Variants in PIK3C2G observed in about 807,000 individuals in gnomAD.
PIK3C2G encodes phosphatidylinositol-4-phosphate 3-kinase catalytic subunit type 2 gamma.
PIK3C2G carries 168 observed loss-of-function variants against 181.1 expected under a neutral mutation model. That is an observed-to-expected ratio of 0.93 (90% CI 0.82 to 1.05). PIK3C2G has a LOEUF of 1.05. Among genes scored for constraint, PIK3C2G ranks in the 50% least tolerant of loss-of-function variants. The pLI, the probability that PIK3C2G is intolerant of heterozygous loss-of-function variation, is 0.00. For missense variants in PIK3C2G, 1,869 were observed against 1,732.8 expected (o/e 1.08, Z -1.40); for synonymous variants, 573 against 592.2 (o/e 0.97, Z 0.47).
intron 12 of PIK3C2G, among the ~76,000 whole-genome samples, chr12:18,366,741 A>G (rs367818633): frequency 1.5e-4 from 23 of 148,650 alleles, no homozygotes; most frequent in African/African-American, 5.6e-4. Flanking sequence ...CCTTGGTTTA[A>G]AAAAAAAAAG....
chr12:18,341,080 G>A (rs758419151), intron 9 of PIK3C2G, among the ~76,000 whole-genome samples: 1 of 152,114 alleles, frequency 6.6e-6, no homozygotes, highest in Non-Finnish European at 1.5e-5. Flanking sequence ...AGTTCTTAAC[G>A]AATTGGCAAA....
chr12:18,311,133 T>A (rs1311228691), intron 5 of PIK3C2G, among the ~76,000 whole-genome samples: 2 of 151,820 alleles, frequency 1.3e-5, no homozygotes, highest in Non-Finnish European at 2.9e-5. Flanking sequence ...GGAAAAAGAC[T>A]GTTTCAACAT....
chr12:18,304,548 C>T (rs2137323838), intron 5 of PIK3C2G, among the ~76,000 whole-genome samples: 1 of 152,292 alleles, frequency 6.6e-6, no homozygotes, highest in East Asian at 1.9e-4. Context: ...TGAGCTACCT[C>T]GCCCGGCCCA....
In PIK3C2G at chr12:18,414,890, C is replaced by CT. The variant is rs1043034043; in HGVS notation, c.2316-6049dup. On this transcript the variant is annotated intron_variant, in intron 16 of 32. Transcript: ENST00000538779. ...GACATGCTTTAATGTCAAGTTAGGC[C>CT]TTAGTCACATCTCAGAATGTCATGT... 6.6e-4 allele frequency among the ~76,000 whole-genome samples: 101 copies of CT among 152,242 alleles called. 1 individual carries two copies. Among genetic ancestry groups the CT allele is most frequent in the African/African-American group, 2.3e-3 (97 of 41,550 alleles).
the PIK3C2G span, among the ~76,000 whole-genome samples, chr12:18,725,641 G>A: frequency 6.6e-6 from 1 of 152,130 alleles, no homozygotes; most frequent in South Asian, 2.1e-4. Context: ...TAGCATCCAA[G>A]GCCATCTAAA....
chr12:18,674,038 TGA>T, the PIK3C2G span, among the ~76,000 whole-genome samples: 1 of 152,182 alleles, frequency 6.6e-6, no homozygotes, highest in Non-Finnish European at 1.5e-5. Flanking sequence ...CACAAAGCTG[TGA>T]GTATCAGGAA....
intron 15 of PIK3C2G, among the ~76,000 whole-genome samples, chr12:18,395,141 T>G (rs1301360049): frequency 6.7e-6 from 1 of 150,042 alleles, no homozygotes; most frequent in Non-Finnish European, 1.5e-5. Context: ...TCTTTCTCTC[T>G]CTCTCTCACA....
At chr12:18,296,587 A>AT (rs1949953284) in intron 5 of PIK3C2G, among the ~76,000 whole-genome samples, 1 of 152,138 alleles carries the variant, frequency 6.6e-6, no homozygotes, top group South Asian at 2.1e-4. Flanking sequence ...TAAAAAGATG[A>AT]TTTTCCTAGC....
intron 16 of PIK3C2G, among the ~76,000 whole-genome samples, chr12:18,411,458 T>C: frequency 6.6e-6 from 1 of 150,878 alleles, no homozygotes; most frequent in South Asian, 2.1e-4. Context: ...GAACATGAAT[T>C]ATTCAGTAGA....
chr12:18,594,872 C>A (rs1018226134), intron 30 of PIK3C2G, among the ~76,000 whole-genome samples: 2 of 151,926 alleles, frequency 1.3e-5, no homozygotes, highest in Non-Finnish European at 2.9e-5. Flanking sequence ...AGACCACTGT[C>A]AAATCTTTTT....
At chr12:18,607,586 C>T (rs1056374799) in intron 30 of PIK3C2G, among the ~76,000 whole-genome samples, 1 of 152,280 alleles carries the variant, frequency 6.6e-6, no homozygotes, top group East Asian at 1.9e-4. Context: ...AGACCTAAAA[C>T]CATAAAACCC....
chr12:18,431,954 G>A (rs952568011), intron 18 of PIK3C2G, among the ~76,000 whole-genome samples: 5 of 152,164 alleles, frequency 3.3e-5, no homozygotes, highest in Admixed American at 6.5e-5. Context: ...AAGGAAAAGA[G>A]GCAGATAGTG....
At chr12:18,483,927 C>T (rs1230968262) in intron 18 of PIK3C2G, among the ~76,000 whole-genome samples, 1 of 152,170 alleles carries the variant, frequency 6.6e-6, no homozygotes, top group Non-Finnish European at 1.5e-5. Context: ...CTCAGCTTGG[C>T]TCCACATTGT....
At chr12:18,316,815 A>G (rs997499274) in intron 6 of PIK3C2G, among the ~76,000 whole-genome samples, 9 of 152,048 alleles carry the variant, frequency 5.9e-5, no homozygotes, top group African/African-American at 1.4e-4. Context: ...CATTTATGCA[A>G]TAAGTATTTG....
chr12:18,648,332 T>G lies in PIK3C2G; in HGVS notation c.*304T>G, dbSNP rs1950262851. 1 of 231,698 alleles carries G rather than the reference T, an allele frequency of 4.3e-6. No individual in the cohort carries two copies. The highest frequency in any genetic ancestry group is 5.6e-5 in the Admixed American group (1 of 17,722). The allele number at this position is 231,698 out of a possible 1,614,324, so 14.4% of individuals were successfully genotyped here. A position where few individuals can be genotyped will look rare whatever the true frequency, so the allele number is the denominator to read the frequency against. Reference sequence around the variant, plus strand: ...AATTAAACATAGGTTTACATTTGTTTTAATTGTGTGCCTACAGTTAAAAGC... The same window carrying G: ...AATTAAACATAGGTTTACATTTGTTGTAATTGTGTGCCTACAGTTAAAAGC... On this transcript the variant is annotated 3_prime_UTR_variant, in exon 33 of 33. Coordinates refer to ENST00000538779, the MANE Select transcript of PIK3C2G (RefSeq NM_001288772.2).
chr12:18,470,487 C>A (rs1037483894), intron 18 of PIK3C2G, among the ~76,000 whole-genome samples: 3 of 152,146 alleles, frequency 2.0e-5, no homozygotes, highest in Admixed American at 2.0e-4. Context: ...CTGCAAAGGG[C>A]TGAATGCTTT....
chr12:18,717,747 A>G, the PIK3C2G span, among the ~76,000 whole-genome samples: 1 of 151,978 alleles, frequency 6.6e-6, no homozygotes, highest in African/African-American at 2.4e-5. Context: ...TTTCCCTCAT[A>G]TCTCTCTTCA....
rs182185610 is a variant in PIK3C2G, at chr12:18,433,502, G to A, written c.2504+9463G>A. 2.2e-4 allele frequency among the ~76,000 whole-genome samples: 33 copies of A among 152,042 alleles called. 1 individual carries two copies. The East Asian group carries it at 3.3e-3, about 15-fold the overall frequency. On this transcript the variant is annotated intron_variant, in intron 18 of 32. Coordinates refer to ENST00000538779, the MANE Select transcript of PIK3C2G (RefSeq NM_001288772.2). ...GATCACGCCATTGCACTCCAGCCTG[G>A]GTGAAAGAGCTAGACTCCATCTCGA...
intron 12 of PIK3C2G, among the ~76,000 whole-genome samples, chr12:18,367,099 A>G (rs1197515414): frequency 6.6e-6 from 1 of 152,234 alleles, no homozygotes; most frequent in Non-Finnish European, 1.5e-5. Context: ...TGGGAAAAAA[A>G]GAACATTCTA....
Sources: gnomAD v4.1 joint callset for allele counts (sites outside exome capture counted in the v4.1 genomes callset) on GRCh38, gnomAD v4.1.1 for gene constraint, MANE v1.5 for transcripts, NCBI Gene and HGNC (gene_info 2026-07-23, HGNC 2026-07-21) for gene names.